Variants in VEPH1 observed in about 807,000 individuals in gnomAD.
VEPH1 encodes the protein ventricular zone-expressed PH domain-containing protein homolog 1.
In VEPH1, 80 loss-of-function variants were observed where a neutral mutation model predicts 85.2. That is an observed-to-expected ratio of 0.94 (90% CI 0.78 to 1.13). The LOEUF (loss-of-function observed/expected upper bound fraction) is 1.13, where lower values mean the gene tolerates loss of function less well. Among genes scored for constraint, VEPH1 ranks in the 50% most tolerant of loss-of-function variants. The pLI is 0.00. For missense variants in VEPH1, 955 were observed against 980.5 expected, an observed-to-expected ratio of 0.97 and a Z score of 0.35; for synonymous variants, 297 against 348.0, an observed-to-expected ratio of 0.85 and a Z score of 1.63.
intron 9 of VEPH1, among the ~76,000 whole-genome samples, chr3:157,356,534 T>G (rs1382618521): frequency 6.6e-6 from 1 of 152,204 alleles, no homozygotes; most frequent in Non-Finnish European, 1.5e-5. Flanking sequence ...ATTTGATGGT[T>G]GTTGTGGAGC....
intron 6 of VEPH1, among the ~76,000 whole-genome samples, chr3:157,406,091 AC>A (rs1432750534): frequency 6.6e-6 from 1 of 152,216 alleles, no homozygotes; most frequent in Non-Finnish European, 1.5e-5. Context: ...TTTTAACAAT[AC>A]AAACAAAAAT....
chr3:157,282,842 A>G (rs182213563), intron 12 of VEPH1, among the ~76,000 whole-genome samples: 1 of 152,352 alleles, frequency 6.6e-6, no homozygotes, highest in East Asian at 1.9e-4. Context: ...TCCTTGCTCA[A>G]TCTCCATTCT....
chr3:157,367,411 G>T (rs1314889595), intron 7 of VEPH1, among the ~76,000 whole-genome samples: 2 of 152,120 alleles, frequency 1.3e-5, no homozygotes, highest in Non-Finnish European at 2.9e-5. Context: ...GATTGCCAAG[G>T]TTAATTTTAA....
At chr3:157,267,105 T>TTC (rs1252109425) in intron 12 of VEPH1, among the ~76,000 whole-genome samples, 1 of 59,502 alleles carries the variant, frequency 1.7e-5, no homozygotes, top group Non-Finnish European at 3.4e-5. Flanking sequence ...TTTTTTTCTT[T>TTC]TTTTTTTTTT....
chr3:157,411,524 C>T (rs1406762159), intron 6 of VEPH1, among the ~76,000 whole-genome samples: 1 of 152,138 alleles, frequency 6.6e-6, no homozygotes, highest in Non-Finnish European at 1.5e-5. Flanking sequence ...CAGAATTACC[C>T]TGGCACAGGT....
At chr3:157,262,120 T>G (rs1366082609) in intron 13 of VEPH1, among the ~76,000 whole-genome samples, 1 of 152,150 alleles carries the variant, frequency 6.6e-6, no homozygotes, top group Non-Finnish European at 1.5e-5. Context: ...TCCTTTCACT[T>G]TGCAATGAAA....
chr3:157,350,636 C>T (rs562239777), intron 9 of VEPH1, among the ~76,000 whole-genome samples: 48 of 152,174 alleles, frequency 3.2e-4, no homozygotes, highest in African/African-American at 1.1e-3. Context: ...AGGATATTAA[C>T]ATCAAGAATA....
intron 9 of VEPH1, among the ~76,000 whole-genome samples, chr3:157,327,812 G>C (rs1019960447): frequency 1.2e-4 from 18 of 152,144 alleles, no homozygotes; most frequent in African/African-American, 3.6e-4. Context: ...AGTACGACTT[G>C]CCCATTAACC....
chr3:157,291,314 G>A (rs4679791), intron 11 of VEPH1, among the ~76,000 whole-genome samples: 68,693 of 152,076 alleles, frequency 0.45, 16,409 homozygotes, highest in Admixed American at 0.59. Context: ...AAATAAGCTT[G>A]CTTAGGGAAT....
chr3:157,474,690 G>A (rs1403931358), intron 2 of VEPH1, among the ~76,000 whole-genome samples: 1 of 152,122 alleles, frequency 6.6e-6, no homozygotes, highest in Non-Finnish European at 1.5e-5. Flanking sequence ...TGAGAACAGA[G>A]GGCCCTGCCT....
intron 5 of VEPH1, among the ~76,000 whole-genome samples, chr3:157,420,889 T>C (rs1333018930): frequency 6.6e-6 from 1 of 152,226 alleles, no homozygotes; most frequent in Non-Finnish European, 1.5e-5. Context: ...TATGCTTATA[T>C]GTGTTACTAA....
At chr3:157,437,195 C>A (rs186878387) in intron 4 of VEPH1, 438 of 1,253,624 alleles carry the variant, frequency 3.5e-4, no homozygotes, top group Non-Finnish European at 4.8e-4. Flanking sequence ...AAGTGAGAAG[C>A]ACTTGAAGAA....
At chr3:157,473,955 T>C (rs1323421537) in intron 2 of VEPH1, among the ~76,000 whole-genome samples, 2 of 152,176 alleles carry the variant, frequency 1.3e-5, no homozygotes, top group Admixed American at 1.3e-4. Context: ...TAGTTAACTT[T>C]GCATTCCTGG....
chr3:157,445,525 G>A (rs952474498), intron 4 of VEPH1, among the ~76,000 whole-genome samples: 1 of 152,208 alleles, frequency 6.6e-6, no homozygotes, highest in Admixed American at 6.5e-5. Context: ...GGAGGCTGAG[G>A]CAGGAGAATC....
intron 12 of VEPH1, among the ~76,000 whole-genome samples, chr3:157,271,249 G>T (rs984874078): frequency 2.1e-4 from 32 of 152,282 alleles, no homozygotes; most frequent in African/African-American, 7.7e-4. Flanking sequence ...CTTTAGAAAG[G>T]ACTAAGAAAG....
intron 4 of VEPH1, among the ~76,000 whole-genome samples, chr3:157,453,320 T>C (rs1274717008): frequency 1.3e-5 from 2 of 152,156 alleles, no homozygotes; most frequent in Admixed American, 6.5e-5. Flanking sequence ...CCTTCTCTTC[T>C]TCCTCATCAT....
intron 9 of VEPH1, among the ~76,000 whole-genome samples, chr3:157,337,915 AT>A (rs1344045474): frequency 2.5e-4 from 38 of 151,644 alleles, no homozygotes; most frequent in South Asian, 8.3e-4. Flanking sequence ...TTGGCAGTTA[AT>A]TTTTTTTTCT....
At chr3:157,267,828 T>A (rs1713950246) in intron 12 of VEPH1, among the ~76,000 whole-genome samples, 1 of 152,082 alleles carries the variant, frequency 6.6e-6, no homozygotes, top group African/African-American at 2.4e-5. Context: ...AAGATAGTGA[T>A]AAGGACTATG....
In VEPH1 at chr3:157,348,348, A is replaced by G. The variant is rs144982034; in HGVS notation, c.1735+15016T>C. ...CTCCACACTGTTCTCTTTAGTGGTT[A>G]TACTAGTTTATATTCCCAACAACGT... is the stretch of plus-strand genomic sequence containing the variant. On this transcript the variant is annotated intron_variant, in intron 9 of 13. Coordinates refer to ENST00000362010, the MANE Select transcript of VEPH1 (RefSeq NM_001167912.2). Among the ~76,000 whole-genome samples, 523 of 152,218 alleles carry G rather than the reference A, an allele frequency of 3.4e-3. 3 individuals carry two copies. The highest frequency in any genetic ancestry group is 0.012 in the African/African-American group (497 of 41,530).
Sources: allele counts gnomAD v4.1 joint callset (sites outside exome capture counted in the v4.1 genomes callset), GRCh38; gene constraint gnomAD v4.1.1; transcripts MANE v1.5; gene names NCBI Gene and HGNC (gene_info 2026-07-23, HGNC 2026-07-21).